The following LRRTM4 variants were observed in gnomAD, a reference collection of about 807,000 sequenced individuals.
LRRTM4 encodes leucine-rich repeat transmembrane neuronal protein 4.
In LRRTM4, 25 loss-of-function variants were observed where a neutral mutation model predicts 47.6. The ratio of observed to expected loss-of-function variants is 0.53; its 90% CI spans 0.38 to 0.73. The LOEUF (loss-of-function observed/expected upper bound fraction) is 0.73, where lower values mean the gene tolerates loss of function less well. Among genes scored for constraint, LRRTM4 ranks in the 30% least tolerant of loss-of-function variants. The pLI, the probability that LRRTM4 is intolerant of heterozygous loss-of-function variation, is 0.00. For missense variants in LRRTM4, 638 were observed against 713.4 expected, an observed-to-expected ratio of 0.89 and a Z score of 1.20; for synonymous variants, 311 against 269.5, an observed-to-expected ratio of 1.15 and a Z score of -1.51.
chr2:76,842,799 A>T (rs1344364677), intron 3 of LRRTM4, among the ~76,000 whole-genome samples: 1 of 152,156 alleles, frequency 6.6e-6, no homozygotes, highest in Admixed American at 6.6e-5. Flanking sequence ...ATAGGTATAC[A>T]TGTGCCATAG....
chr2:76,778,821 C>G (rs1179995811), intron 3 of LRRTM4, among the ~76,000 whole-genome samples: 1 of 150,758 alleles, frequency 6.6e-6, no homozygotes, highest in Non-Finnish European at 1.5e-5. Flanking sequence ...TGTGTTTGCT[C>G]TTGCTTTTCT....
At chr2:77,455,176 A>C (rs1318681985) in intron 3 of LRRTM4, among the ~76,000 whole-genome samples, 1 of 152,224 alleles carries the variant, frequency 6.6e-6, no homozygotes, top group African/African-American at 2.4e-5. Flanking sequence ...TGACAGAGCA[A>C]GACTCTGTCT....
chr2:76,817,726 A>T (rs1026722960), intron 3 of LRRTM4, among the ~76,000 whole-genome samples: 1 of 151,986 alleles, frequency 6.6e-6, no homozygotes, highest in African/African-American at 2.4e-5. Context: ...GTATCATTTT[A>T]AAATGAAAAG....
intron 3 of LRRTM4, among the ~76,000 whole-genome samples, chr2:77,369,500 T>G (rs1672582347): frequency 6.6e-6 from 1 of 151,794 alleles, no homozygotes; most frequent in South Asian, 2.1e-4. Flanking sequence ...GACAATAGTT[T>G]ATTGCATTCG....
chr2:76,938,373 GAAGAC>G (rs1297674362), intron 3 of LRRTM4, among the ~76,000 whole-genome samples: 1 of 148,604 alleles, frequency 6.7e-6, no homozygotes. Context: ...TTTTCATTTT[GAAGAC>G]AAAAGAATAT....
chr2:77,276,320 AGAAGGAAG>A (rs200577315), intron 3 of LRRTM4, among the ~76,000 whole-genome samples: 56 of 142,508 alleles, frequency 3.9e-4, no homozygotes, highest in Middle Eastern at 3.4e-3. Context: ...AAGGAAGAGA[AGAAGGAAG>A]GAAGGAAGGA....
At chr2:76,918,217 C>T (rs959687748) in intron 3 of LRRTM4, among the ~76,000 whole-genome samples, 4 of 152,086 alleles carry the variant, frequency 2.6e-5, no homozygotes, top group Admixed American at 6.5e-5. Context: ...TTTCTTAATC[C>T]ATTTATGAAA....
At chr2:77,005,283 T>A (rs1677599067) in intron 3 of LRRTM4, among the ~76,000 whole-genome samples, 1 of 152,158 alleles carries the variant, frequency 6.6e-6, no homozygotes, top group African/African-American at 2.4e-5. Flanking sequence ...TAGCTGGGAT[T>A]ATACATGCCT....
At chr2:77,016,790 T>C (rs1461538321) in intron 3 of LRRTM4, among the ~76,000 whole-genome samples, 3 of 152,178 alleles carry the variant, frequency 2.0e-5, no homozygotes, top group East Asian at 3.9e-4. Flanking sequence ...TTCTCACCTA[T>C]TGCCTTGTTC....
intron 1 of LRRTM4, 95 bp from the exon 2 acceptor site, chr2:77,521,913 G>C (rs930447115): frequency 4.0e-6 from 2 of 502,744 alleles, no homozygotes; most frequent in Non-Finnish European, 7.1e-6. Context: ...GGGTGGGATG[G>C]TTGTGGGGGC....
intron 3 of LRRTM4, among the ~76,000 whole-genome samples, chr2:77,455,123 G>C (rs1025656821): frequency 6.6e-6 from 1 of 152,120 alleles, no homozygotes; most frequent in Non-Finnish European, 1.5e-5. Flanking sequence ...GGGAGGCAGA[G>C]GTTGCAGTGA....
intron 3 of LRRTM4, among the ~76,000 whole-genome samples, chr2:77,474,191 T>C (rs1322923269): frequency 6.6e-6 from 1 of 151,796 alleles, no homozygotes; most frequent in Non-Finnish European, 1.5e-5. Flanking sequence ...TGTGGAGGGA[T>C]AGTCCAACAC....
intron 3 of LRRTM4, among the ~76,000 whole-genome samples, chr2:76,913,841 TA>T (rs1674154186): frequency 2.0e-5 from 3 of 152,080 alleles, no homozygotes. Context: ...GCCCAGCCGC[TA>T]TTTCAATTAT....
At chr2:77,137,453 C>T (rs1055022002) in intron 3 of LRRTM4, among the ~76,000 whole-genome samples, 2 of 151,872 alleles carry the variant, frequency 1.3e-5, no homozygotes, top group Admixed American at 1.3e-4. Context: ...CAGGCCTGCC[C>T]TACAGGAGCA....
intron 3 of LRRTM4, among the ~76,000 whole-genome samples, chr2:76,992,851 T>G (rs1677059074): frequency 7.3e-6 from 1 of 136,644 alleles, no homozygotes; most frequent in Non-Finnish European, 1.6e-5. Flanking sequence ...GCTGGGTGTA[T>G]CATATTACTT....
intron 3 of LRRTM4, among the ~76,000 whole-genome samples, chr2:77,479,196 G>A (rs565283221): frequency 1.1e-4 from 16 of 152,002 alleles, no homozygotes; most frequent in African/African-American, 3.9e-4. Context: ...GCACCTGGCT[G>A]TAATTCAGTA....
At chr2:77,138,921 A>G (rs973933365) in intron 3 of LRRTM4, among the ~76,000 whole-genome samples, 104 of 152,178 alleles carry the variant, frequency 6.8e-4, no homozygotes, top group African/African-American at 2.3e-3. Context: ...AGACTAAACC[A>G]GGAAGAAGTT....
chr2:77,168,353 C>T (rs1344392398), intron 3 of LRRTM4, among the ~76,000 whole-genome samples: 1 of 151,932 alleles, frequency 6.6e-6, no homozygotes, highest in Non-Finnish European at 1.5e-5. Flanking sequence ...TGCTGTGTCT[C>T]TCCTTTTCTA....
chr2:76,862,189 A>G (rs10185383), intron 3 of LRRTM4, among the ~76,000 whole-genome samples: 2,560 of 151,988 alleles, frequency 0.017, 60 homozygotes, highest in African/African-American at 0.059. Flanking sequence ...ATCATCTCTA[A>G]TTTCCACAGT....
Sources: allele counts gnomAD v4.1 joint callset (sites outside exome capture counted in the v4.1 genomes callset), GRCh38; gene constraint gnomAD v4.1.1; transcripts MANE v1.5; gene names NCBI Gene and HGNC (gene_info 2026-07-23, HGNC 2026-07-21).